The following NLRP5 variants were observed in gnomAD, a reference collection of about 807,000 sequenced individuals.
NLRP5 encodes the protein NLR family pyrin domain containing 5.
NLRP5 carries 93 observed loss-of-function variants against 113.1 expected under a neutral mutation model. The observed-to-expected ratio is 0.82, with a 90% CI of 0.70 to 0.98. The LOEUF is 0.98. NLRP5 is among the 50% of genes least tolerant of loss of function. The pLI is 0.00. For synonymous variants in NLRP5, 751 were observed against 600.7 expected, an observed-to-expected ratio of 1.25 and a Z score of -3.66; for missense variants, 1,808 against 1,514.3, an observed-to-expected ratio of 1.19 and a Z score of -3.22.
upstream of NLRP5, among the ~76,000 whole-genome samples, chr19:55,998,672 GTATATATATATATATATATATA>G (rs368326842): frequency 1.5e-4 from 16 of 105,964 alleles, no homozygotes; most frequent in African/African-American, 5.6e-4. Context: ...GTGTGTGTGT[GTATATATATATATATATATATA>G]TATATATATG....
At chr19:56,036,058 C>CTTT (rs34956178) in intron 9 of NLRP5, among the ~76,000 whole-genome samples, 5,239 of 76,842 alleles carry the variant, frequency 0.068, 445 homozygotes, top group East Asian at 0.31. Flanking sequence ...AATTGAGATT[C>CTTT]TTTTTTTTTT....
rs527494071 is a variant in NLRP5 at position 56,048,954 on chromosome 19, C to T, written c.2958-1464C>T. ...GATTGGGTTAATTCAAAGACCTTGACTTCAAGCTCTGATTTTTTTTTTTAA... is the reference window on the plus strand; with the variant it reads ...GATTGGGTTAATTCAAAGACCTTGATTTCAAGCTCTGATTTTTTTTTTTAA... On this transcript the variant is annotated intron_variant, in intron 11 of 14. Transcript: ENST00000390649. Among the ~76,000 whole-genome samples the T allele has an allele frequency of 1.4e-4, 20 of 142,938 alleles. No homozygotes were observed. The South Asian group carries it at 4.5e-3, about 32-fold the overall frequency. The allele number at this position is 142,938 out of a possible 152,430, so 93.8% of individuals were successfully genotyped here.
At position 56,008,704 on chromosome 19, in the gene NLRP5, T is replaced by C. The variant is rs146196473; in HGVS notation, c.443-84T>C. ...GTTTGTCTTGGTTCCCCTCCATAAT[T>C]TGGACACGGGACATTCTTATCCTTG... On this transcript the variant is annotated intron_variant, in intron 2 of 14. Coordinates refer to ENST00000390649, the MANE Select transcript of NLRP5 (RefSeq NM_153447.4). 5 of 1,218,308 alleles carry C rather than the reference T, an allele frequency of 4.1e-6. No homozygotes were observed. In the Admixed American group the frequency reaches 6.0e-5, roughly 15 times the overall value. 75.5% of individuals were successfully genotyped at this position (1,218,308 alleles called of 1,614,324 possible).
At chr19:55,991,110 T>G in the NLRP5 span, among the ~76,000 whole-genome samples, 167 of 152,008 alleles carry the variant, frequency 1.1e-3, no homozygotes, top group African/African-American at 4.0e-3. Flanking sequence ...ACTTTAAAGA[T>G]TTGTTTGTTT....
intron 12 of NLRP5, among the ~76,000 whole-genome samples, chr19:56,051,829 T>C (rs1007548921): frequency 6.6e-6 from 1 of 152,216 alleles, no homozygotes; most frequent in African/African-American, 2.4e-5. Flanking sequence ...ATTTGCTTAT[T>C]CATTACAAAG....
At position 56,038,166 on chromosome 19, in the gene NLRP5, A is replaced by T. The variant is rs306447; in HGVS notation, c.2757A>T (p.Arg919Ser). The change falls in exon 10 of 15, where the codon AGA becomes AGT. Residue 919 changes from arginine to serine, a missense_variant. Coordinates refer to ENST00000390649, the MANE Select transcript of NLRP5 (RefSeq NM_153447.4). ...TAATGCCTCTCAGTGATGCCTTGAG[A>T]GTCTCCCAGTGCGCCCTGCAGAAGC... 1.2e-6 allele frequency: 2 copies of T among 1,613,420 alleles called. No individual in the cohort carries two copies. Among genetic ancestry groups the T allele is most frequent in the Admixed American group, 1.7e-5 (1 of 59,972 alleles).
At chr19:56,047,807 G>A (rs931742008) in intron 11 of NLRP5, among the ~76,000 whole-genome samples, 9 of 152,150 alleles carry the variant, frequency 5.9e-5, no homozygotes, top group Non-Finnish European at 1.0e-4. Flanking sequence ...CCTGTCCAGT[G>A]CTGTTAGTGG....
chr19:55,999,840 C>T (rs1981562635), intron 1 of NLRP5: 1 of 1,344,380 alleles, frequency 7.4e-7, no homozygotes, highest in Admixed American at 1.7e-5. Flanking sequence ...AGCCTTGGTA[C>T]CATGACACAC....
At chr19:56,055,805 A>T (rs1031455576) in intron 13 of NLRP5, among the ~76,000 whole-genome samples, 5 of 151,880 alleles carry the variant, frequency 3.3e-5, no homozygotes, top group African/African-American at 7.3e-5. Context: ...TTGGCCTCCC[A>T]AAGTGCTGGG....
At chr19:55,991,748 C>T in the NLRP5 span, among the ~76,000 whole-genome samples, 72,062 of 151,934 alleles carry the variant, frequency 0.47, 17,318 homozygotes, top group African/African-American at 0.51. Flanking sequence ...TTTATACCTC[C>T]TCTTTATCTG....
intron 11 of NLRP5, among the ~76,000 whole-genome samples, chr19:56,043,539 ATT>A (rs1983598427): frequency 1.5e-4 from 4 of 27,032 alleles, no homozygotes; most frequent in Non-Finnish European, 3.0e-4. Flanking sequence ...TTACTCTGCT[ATT>A]CTTTTTTTTT....
At position 56,033,647 on chromosome 19, in the gene NLRP5, A is replaced by C; in HGVS notation, c.2553A>C (p.Glu851Asp). ...ACTTGGGAGGCACCCACCTGAAGGA[A>C]GAGGATGTAAGGATGGCGTGTGAAG... Residue 851 changes from glutamate (E) to aspartate (D), a missense_variant, in exon 9 of 15, where the codon GAA (glutamate) becomes GAC (aspartate). Physicochemically the swap from Glu to Asp is conservative, Grantham distance 45. Coordinates refer to ENST00000390649, the MANE Select transcript of NLRP5 (RefSeq NM_153447.4). 1 of 1,613,888 alleles carries C rather than the reference A, an allele frequency of 6.2e-7. No individual in the cohort carries two copies. The highest frequency in any genetic ancestry group is 8.5e-7 in the Non-Finnish European group (1 of 1,179,788).
chr19:56,045,188 C>T (rs1402867072), intron 11 of NLRP5, among the ~76,000 whole-genome samples: 2 of 152,144 alleles, frequency 1.3e-5, no homozygotes, highest in African/African-American at 2.4e-5. Flanking sequence ...CTTGGATGCC[C>T]TTTTTATCTT....
intron 2 of NLRP5, among the ~76,000 whole-genome samples, chr19:56,005,053 C>T (rs1382942993): frequency 6.8e-6 from 1 of 147,614 alleles, no homozygotes; most frequent in Non-Finnish European, 1.5e-5. Context: ...GAGATTATGC[C>T]ACTGCACTCC....
At chr19:56,048,822 T>G (rs1983819069) in intron 11 of NLRP5, among the ~76,000 whole-genome samples, 1 of 151,648 alleles carries the variant, frequency 6.6e-6, no homozygotes, top group Non-Finnish European at 1.5e-5. Context: ...TTCCAGGCCT[T>G]TAGAATTCTT....
intron 3 of NLRP5, among the ~76,000 whole-genome samples, chr19:56,013,596 G>GTTT (rs71183002): frequency 0.017 from 977 of 59,096 alleles, 170 homozygotes; most frequent in African/African-American, 0.073. Flanking sequence ...GGACATTTGG[G>GTTT]TTTTTTTTTT....
intron 6 of NLRP5, among the ~76,000 whole-genome samples, chr19:56,024,402 GTACA>G (rs1568489383): frequency 7.9e-6 from 1 of 126,116 alleles, no homozygotes; most frequent in Admixed American, 8.1e-5. Flanking sequence ...ATACATATAT[GTACA>G]TATATGTATA....
chr19:56,024,593 A>ACACACG (rs750034302), intron 6 of NLRP5, among the ~76,000 whole-genome samples: 1 of 150,986 alleles, frequency 6.6e-6, no homozygotes, highest in Admixed American at 6.6e-5. Flanking sequence ...ATACACACAC[A>ACACACG]CACACACACA....
Position 56,028,355 on chromosome 19 carries a change from C to T in NLRP5, c.2122C>T (p.Gln708Ter). Reference sequence around the variant, plus strand: ...TGTTCGCTTGGCATTAAACAGCTTCCAAGAAGTGTGGCTTCCGATTAACCA... The same window carrying T: ...TGTTCGCTTGGCATTAAACAGCTTCTAAGAAGTGTGGCTTCCGATTAACCA... Residue 708 changes from glutamine (Q) to a stop codon, truncating the protein, a stop_gained, in exon 7 of 15, where the codon CAA becomes TAA. Transcript: ENST00000390649. LOFTEE classifies it high-confidence loss of function. The T allele has an allele frequency of 6.2e-7, 1 of 1,613,954 alleles. No individual in the cohort carries two copies. Among genetic ancestry groups the T allele is most frequent in the Non-Finnish European group, 8.5e-7 (1 of 1,179,884 alleles).
Sources: allele counts gnomAD v4.1 joint callset (sites outside exome capture counted in the v4.1 genomes callset), GRCh38; gene constraint gnomAD v4.1.1; transcripts MANE v1.5; gene names NCBI Gene and HGNC (gene_info 2026-07-23, HGNC 2026-07-21).